Variants in NID1 observed in about 807,000 individuals in gnomAD.
NID1 encodes nidogen 1.
In NID1, 76 loss-of-function variants were observed where a neutral mutation model predicts 130.6. The ratio of observed to expected loss-of-function variants is 0.58; its 90% CI spans 0.48 to 0.70. The LOEUF (loss-of-function observed/expected upper bound fraction) is 0.70. Among genes scored for constraint, NID1 ranks in the 30% least tolerant of loss-of-function variants. NID1 has a pLI of 0.00. For missense variants in NID1, 1,517 were observed against 1,664.8 expected, an observed-to-expected ratio of 0.91 and a Z score of 1.54; for synonymous variants, 665 against 675.1, an observed-to-expected ratio of 0.98 and a Z score of 0.23.
In NID1 at chr1:236,019,150, C is replaced by T. The variant is rs145100691; in HGVS notation, c.2129-1877G>A. ...AGAAGGTTCTGGAACAAAGCCCCTC[C>T]CAAAGCAGGCTGTTATGCAAGCTGG... is the stretch of plus-strand genomic sequence containing the variant. On this transcript the variant is annotated intron_variant, in intron 9 of 19. Coordinates refer to ENST00000264187, the MANE Select transcript of NID1 (RefSeq NM_002508.3). 2.6e-3 allele frequency among the ~76,000 whole-genome samples: 393 copies of T among 152,356 alleles called. 4 individuals carry two copies. The highest frequency in any genetic ancestry group is 0.018 in the East Asian group (96 of 5,196).
At chr1:235,983,584 T>C (rs1657496648) in intron 15 of NID1, among the ~76,000 whole-genome samples, 1 of 152,148 alleles carries the variant, frequency 6.6e-6, no homozygotes, top group African/African-American at 2.4e-5. Flanking sequence ...TGTGAGAGCA[T>C]CTTTGCGAGG....
In NID1 at chr1:235,980,651, T is replaced by C. The variant is rs1467094348; in HGVS notation, c.3230A>G (p.Asn1077Ser). 1 of 1,612,020 alleles carries C rather than the reference T, an allele frequency of 6.2e-7. No individual in the cohort carries two copies. Among genetic ancestry groups the C allele is most frequent in the Non-Finnish European group, 8.5e-7 (1 of 1,179,090 alleles). Reference protein sequence around the residue: ...RGIVTDSVRGNLYWTDWNRDN... With the variant: ...RGIVTDSVRGSLYWTDWNRDN... Reference sequence around the variant, plus strand: ...TCTGTTCCAGTCTGTCCAGTAAAGGTTCCTGGAGGAGGAAAAAGGGGGGAA... The same window carrying C: ...TCTGTTCCAGTCTGTCCAGTAAAGGCTCCTGGAGGAGGAAAAAGGGGGGAA... Residue 1077 changes from asparagine to serine, a missense_variant and splice_region_variant, in exon 17 of 20, where the codon AAC (asparagine) becomes AGC (serine). Asn to Ser is a conservative substitution (Grantham distance 46). Around this residue, in one of 3 missense-constraint regions of NID1, gnomAD observed 7 missense variants for 24.3 expected, o/e 0.29. Coordinates refer to ENST00000264187, the MANE Select transcript of NID1 (RefSeq NM_002508.3).
At position 235,980,592 on chromosome 1, in the gene NID1, C is replaced by T. The variant is rs373235000; in HGVS notation, c.3289G>A (p.Gly1097Ser). The T allele has an allele frequency of 6.2e-6, 10 of 1,614,052 alleles. No individual in the cohort carries two copies. Among genetic ancestry groups the T allele is most frequent in the African/African-American group, 1.3e-5 (1 of 74,922 alleles). Residue 1097 changes from glycine (G) to serine (S), a missense_variant, in exon 17 of 20, where the codon GGC becomes AGC. This residue lies in a region of NID1 where 181 missense variants were observed against 211.3 expected (regional missense o/e 0.86). Transcript: ENST00000264187. ...TGCACAAGGATCCTCCGGTTCGTGC[C>T]GTCCATGTAGGAAGTTTCAATCTTG... ...NPKIETSYMD[G>S]TNRRILVQDD...
Position 236,038,329 on chromosome 1 carries a change from C to T in NID1, c.1136-76G>A, listed in dbSNP as rs1167233002. The stretch of plus-strand genomic sequence containing the variant: ...CCCGGTGGGCTCTCTCATCTAGGCA[C>T]CCTCAAGCACTGCAGGGACTCACAC... On this transcript the variant is annotated intron_variant, in intron 4 of 19. Coordinates refer to ENST00000264187, the MANE Select transcript of NID1 (RefSeq NM_002508.3). 1.5e-5 allele frequency: 22 copies of T among 1,508,536 alleles called. No homozygotes were observed. The Admixed American group carries it at 2.5e-4, about 17-fold the overall frequency. 93.4% of individuals were successfully genotyped at this position (1,508,536 alleles called of 1,614,324 possible).
In NID1 at chr1:236,024,079, T is replaced by G. The variant is rs773727385; in HGVS notation, c.2119A>C (p.Thr707Pro). 1.9e-6 allele frequency: 3 copies of G among 1,614,030 alleles called. No individual in the cohort carries two copies. In the Admixed American group the frequency reaches 5.0e-5, roughly 27 times the overall value. ...CSIGFRGDGR[T>P]CYDIDECSEQ... is the part of the protein sequence containing the mutation. ...GAATCAAAGGCTGTACCATAGCAGG[T>G]TCGCCCGTCTCCTCGGAAGCCGATG... Residue 707 changes from threonine to proline, a missense_variant, in exon 9 of 20, where the codon ACC becomes CCC. Physicochemically the swap from Thr to Pro is conservative, Grantham distance 38. Around this residue, in one of 3 missense-constraint regions of NID1, gnomAD observed 1,329 missense variants for 1,429.2 expected, o/e 0.93. Coordinates refer to ENST00000264187, the MANE Select transcript of NID1 (RefSeq NM_002508.3).
At chr1:235,989,885 G>A (rs1034818304) in intron 14 of NID1, among the ~76,000 whole-genome samples, 1 of 152,246 alleles carries the variant, frequency 6.6e-6, no homozygotes, top group East Asian at 1.9e-4. Flanking sequence ...GGGCCAGAGG[G>A]TTGAAGTTGG....
intron 9 of NID1, among the ~76,000 whole-genome samples, chr1:236,017,929 T>C (rs557268586): frequency 2.0e-5 from 3 of 152,332 alleles, no homozygotes; most frequent in East Asian, 3.9e-4. Flanking sequence ...GAATATTAAA[T>C]ATACTTTCAA....
chr1:235,985,684 T>A (rs921691033), intron 14 of NID1, among the ~76,000 whole-genome samples, 179 bp from the exon 15 acceptor site: 1 of 152,182 alleles, frequency 6.6e-6, no homozygotes, highest in African/African-American at 2.4e-5. Context: ...AAAAAACTCC[T>A]GTCATATACA....
intron 8 of NID1, among the ~76,000 whole-genome samples, chr1:236,025,659 G>A (rs980973387): frequency 6.6e-6 from 1 of 152,190 alleles, no homozygotes; most frequent in Non-Finnish European, 1.5e-5. Context: ...CACCTCAACA[G>A]GTTAGCATTC....
Position 236,048,914 on chromosome 1 carries a change from A to T in NID1, c.301T>A (p.Phe101Ile), listed in dbSNP as rs1659689331. 1 of 1,613,872 alleles carries T rather than the reference A, an allele frequency of 6.2e-7. No individual in the cohort carries two copies. Among genetic ancestry groups the T allele is most frequent in the Non-Finnish European group, 8.5e-7 (1 of 1,179,986 alleles). The change falls in exon 2 of 20, where the codon TTC becomes ATC. Residue 101 changes from phenylalanine to isoleucine, a missense_variant. Phe to Ile is a conservative substitution (Grantham distance 21). Transcript: ENST00000264187. The part of the protein sequence containing the change: ...ESHPGLFPPT[F>I]GAVAPFLADL... ...GCCAGGAAAGGGGCGACTGCACCGA[A>T]TGTTGGTGGGAAGAGCCCGGGATGG...
intron 14 of NID1, among the ~76,000 whole-genome samples, chr1:235,986,261 T>A (rs2102795607): frequency 6.6e-6 from 1 of 152,320 alleles, no homozygotes; most frequent in Admixed American, 6.5e-5. Flanking sequence ...GAAGTAAAAT[T>A]ACTCTATTCT....
At chr1:235,993,920 C>G in intron 12 of NID1, 48 bp from the exon 13 acceptor site, 2 of 1,561,704 alleles carry the variant, frequency 1.3e-6, no homozygotes, top group Non-Finnish European at 1.7e-6. Flanking sequence ...CGTCATCCGT[C>G]AGCGCTCCCT....
chr1:235,987,608 C>A (rs149337309), intron 14 of NID1, among the ~76,000 whole-genome samples: 167 of 152,302 alleles, frequency 1.1e-3, no homozygotes, highest in Middle Eastern at 3.4e-3. Flanking sequence ...GCTGTATGAT[C>A]TCAGCATGTG....
intron 9 of NID1, 114 bp downstream of exon 9, chr1:236,023,956 G>A (rs993412566): frequency 7.3e-7 from 1 of 1,377,938 alleles, no homozygotes; most frequent in African/African-American, 1.4e-5. Flanking sequence ...ATGTCCACCA[G>A]TATTTATCTC....
At chr1:235,984,108 C>A (rs944245277) in intron 15 of NID1, among the ~76,000 whole-genome samples, 1 of 152,094 alleles carries the variant, frequency 6.6e-6, no homozygotes, top group Non-Finnish European at 1.5e-5. Context: ...GTGCTTACAG[C>A]GTTCTTGGAT....
At position 236,011,910 on chromosome 1, in the gene NID1, C is replaced by T. The variant is rs750283710; in HGVS notation, c.2527+11G>A. 1 of 1,613,360 alleles carries T rather than the reference C, an allele frequency of 6.2e-7. No individual in the cohort carries two copies. The highest frequency in any genetic ancestry group is 1.1e-5 in the South Asian group (1 of 91,042). On this transcript the variant is annotated intron_variant, in intron 12 of 19. Coordinates refer to ENST00000264187, the MANE Select transcript of NID1 (RefSeq NM_002508.3). ...AATGGGCTACCGACTCCAGATGTCC[C>T]ACCACCTTACCTCCGGGCACGCAAC...
intron 12 of NID1, among the ~76,000 whole-genome samples, chr1:236,004,050 C>G (rs922656256): frequency 9.4e-5 from 11 of 116,824 alleles, no homozygotes; most frequent in Non-Finnish European, 2.1e-4. Context: ...AAAAAAAAAA[C>G]AAGAAGAAAA....
chr1:236,028,560 T>C (rs1659004536), intron 7 of NID1, among the ~76,000 whole-genome samples: 1 of 152,132 alleles, frequency 6.6e-6, no homozygotes, highest in African/African-American at 2.4e-5. Flanking sequence ...CCATGTTAAA[T>C]TTCTCAATTT....
Position 235,978,140 on chromosome 1 carries a change from G to A in NID1, c.3623-152C>T, listed in dbSNP as rs995902148. 1.2e-5 allele frequency: 10 copies of A among 844,708 alleles called. 1 individual carries two copies. The highest frequency in any genetic ancestry group is 1.2e-4 in the Admixed American group (4 of 34,192). The allele number at this position is 844,708 out of a possible 1,614,324, so 52.3% of individuals were successfully genotyped here. A position where few individuals can be genotyped will look rare whatever the true frequency, so the allele number is the denominator to read the frequency against. ...TCAGGAGAATGGGGACACTGTGCTA[G>A]GCAGTCAGCTGAGCTGATCCATTGT... On this transcript the variant is annotated intron_variant, in intron 19 of 19. Transcript: ENST00000264187.
Sources: allele counts gnomAD v4.1 joint callset (sites outside exome capture counted in the v4.1 genomes callset), GRCh38; gene constraint gnomAD v4.1.1; regional missense constraint gnomAD v4.1.1; transcripts MANE v1.5; gene names NCBI Gene and HGNC (gene_info 2026-07-23, HGNC 2026-07-21).